Variants in FRMD4B observed in about 807,000 individuals in gnomAD.
FRMD4B encodes FERM domain containing 4B, also known as FERM domain-containing protein 4B.
FRMD4B carries 74 observed loss-of-function variants against 141.5 expected under a neutral mutation model. The ratio of observed to expected loss-of-function variants is 0.52; its 90% CI spans 0.43 to 0.63. FRMD4B has a LOEUF of 0.63. Among genes scored for constraint, FRMD4B ranks in the 30% least tolerant of loss-of-function variants. The pLI is 0.00. For synonymous variants in FRMD4B, 506 were observed against 467.9 expected (o/e 1.08, Z -1.05); for missense variants, 1,366 against 1,253.4 (o/e 1.09, Z -1.36).
At chr3:69,186,494 C>T (rs1350938810) in intron 19 of FRMD4B, among the ~76,000 whole-genome samples, 1 of 152,062 alleles carries the variant, frequency 6.6e-6, no homozygotes, top group Non-Finnish European at 1.5e-5. Flanking sequence ...GGTGGATCAC[C>T]TGAGGTCAGG....
chr3:69,246,787 C>T (rs1483409361), intron 7 of FRMD4B, among the ~76,000 whole-genome samples: 2 of 152,188 alleles, frequency 1.3e-5, no homozygotes. Context: ...ACTTCAACCT[C>T]GTGATCACTC....
intron 2 of FRMD4B, among the ~76,000 whole-genome samples, chr3:69,418,114 C>T (rs911286931): frequency 2.0e-5 from 3 of 152,088 alleles, no homozygotes; most frequent in African/African-American, 7.2e-5. Flanking sequence ...TTTACAGGTT[C>T]CAGGGATTAC....
At chr3:69,505,265 C>T (rs1429835348) in intron 1 of FRMD4B, among the ~76,000 whole-genome samples, 1 of 152,138 alleles carries the variant, frequency 6.6e-6, no homozygotes, top group African/African-American at 2.4e-5. Context: ...GTAGTCCCAA[C>T]TACCCAGGAG....
intron 11 of FRMD4B, among the ~76,000 whole-genome samples, chr3:69,215,282 C>CTTTGTTTTTTTTTTT (rs1559724064): frequency 5.3e-5 from 2 of 37,472 alleles, no homozygotes; most frequent in African/African-American, 1.3e-4. Flanking sequence ...GATTGTGACC[C>CTTTGTTTTTTTTTTT]TCTTTTTTTT....
At chr3:69,333,517 G>C (rs1315158484) in intron 1 of FRMD4B, among the ~76,000 whole-genome samples, 1 of 152,180 alleles carries the variant, frequency 6.6e-6, no homozygotes, top group East Asian at 1.9e-4. Context: ...CAATGTCTCT[G>C]TGTGACAGCC....
chr3:69,410,955 C>T (rs1704751233), intron 2 of FRMD4B, among the ~76,000 whole-genome samples: 1 of 151,626 alleles, frequency 6.6e-6, no homozygotes, highest in African/African-American at 2.4e-5. Flanking sequence ...TGTACCTGGC[C>T]TATAGAAGAG....
At chr3:69,288,362 C>T (rs1700763669) in intron 4 of FRMD4B, among the ~76,000 whole-genome samples, 2 of 152,274 alleles carry the variant, frequency 1.3e-5, no homozygotes, top group South Asian at 4.1e-4. Context: ...CTCCTTTCTT[C>T]CTTCCCATCC....
intron 1 of FRMD4B, among the ~76,000 whole-genome samples, chr3:69,540,660 T>TATATACACACACACAC (rs1241897477): frequency 7.0e-5 from 4 of 56,866 alleles, no homozygotes; most frequent in African/African-American, 4.1e-4. Context: ...TATATATATA[T>TATATACACACACACAC]ACACACACAC....
intron 5 of FRMD4B, among the ~76,000 whole-genome samples, chr3:69,251,577 T>C (rs2093463667): frequency 6.6e-6 from 1 of 152,238 alleles, no homozygotes; most frequent in Non-Finnish European, 1.5e-5. Flanking sequence ...GAAAACAAGT[T>C]AATTTCATCC....
chr3:69,222,951 A>T (rs1179749319), intron 8 of FRMD4B, among the ~76,000 whole-genome samples: 2 of 152,244 alleles, frequency 1.3e-5, no homozygotes, highest in Admixed American at 1.3e-4. Context: ...TGGTTAAAAC[A>T]GGGAGATCAG....
chr3:69,274,512 T>TTTTTAA (rs1343784367), intron 5 of FRMD4B, among the ~76,000 whole-genome samples: 2 of 152,022 alleles, frequency 1.3e-5, no homozygotes, highest in Non-Finnish European at 2.9e-5. Context: ...ATTCTTTATT[T>TTTTTAA]TTTTATTTTT....
At chr3:69,420,551 C>T (rs1380382659) in intron 2 of FRMD4B, among the ~76,000 whole-genome samples, 1 of 152,004 alleles carries the variant, frequency 6.6e-6, no homozygotes, top group Non-Finnish European at 1.5e-5. Flanking sequence ...CTATGCTAAA[C>T]CCCCTATTTC....
chr3:69,520,260 TATATATATATGATGGA>T (rs1700835209), intron 1 of FRMD4B, among the ~76,000 whole-genome samples: 1 of 73,872 alleles, frequency 1.4e-5, no homozygotes, highest in African/African-American at 9.6e-5. Context: ...TATGATGGAA[TATATATATATGATGGA>T]ATATATATAT....
chr3:69,383,752 G>T (rs374059702), intron 1 of FRMD4B, among the ~76,000 whole-genome samples: 1 of 151,832 alleles, frequency 6.6e-6, no homozygotes, highest in Non-Finnish European at 1.5e-5. Context: ...TAGAGATGGG[G>T]TCTCACTATG....
chr3:69,510,119 G>A (rs1029617510), intron 1 of FRMD4B, among the ~76,000 whole-genome samples: 7 of 151,934 alleles, frequency 4.6e-5, no homozygotes, highest in Admixed American at 2.6e-4. Context: ...CTGAATATTC[G>A]TCCAGAACAA....
intron 3 of FRMD4B, among the ~76,000 whole-genome samples, chr3:69,308,579 A>G (rs1222219344): frequency 1.3e-5 from 2 of 151,824 alleles, no homozygotes; most frequent in Non-Finnish European, 2.9e-5. Context: ...CTGGGACTAC[A>G]GGTGTGCACC....
chr3:69,354,598 T>A (rs542193354), intron 1 of FRMD4B, among the ~76,000 whole-genome samples: 1 of 152,296 alleles, frequency 6.6e-6, no homozygotes, highest in South Asian at 2.1e-4. Context: ...AAAATCCTGA[T>A]CTCCTTCAGG....
At chr3:69,398,817 T>G (rs1432750939) in intron 2 of FRMD4B, among the ~76,000 whole-genome samples, 1 of 152,176 alleles carries the variant, frequency 6.6e-6, no homozygotes, top group Non-Finnish European at 1.5e-5. Flanking sequence ...ATTCTGCCCT[T>G]TTCCCCTGCC....
chr3:69,303,380 T>C (rs1701282383), intron 3 of FRMD4B, among the ~76,000 whole-genome samples: 1 of 150,992 alleles, frequency 6.6e-6, no homozygotes, highest in African/African-American at 2.4e-5. Flanking sequence ...TTGAACAATT[T>C]CCAAGAGACG....
Sources: gnomAD v4.1 joint callset for allele counts (sites outside exome capture counted in the v4.1 genomes callset) on GRCh38, gnomAD v4.1.1 for gene constraint, MANE v1.5 for transcripts, NCBI Gene and HGNC (gene_info 2026-07-23, HGNC 2026-07-21) for gene names.